Variants in FKBP3 observed in about 807,000 individuals in gnomAD.
FKBP3 encodes the protein peptidyl-prolyl cis-trans isomerase FKBP3.
In FKBP3, 21 loss-of-function variants were observed where a neutral mutation model predicts 30.6. The observed-to-expected ratio is 0.69, with a 90% CI of 0.49 to 0.99. FKBP3 has a LOEUF of 0.99. Ranked by LOEUF, FKBP3 falls within the 50% of genes least tolerant of loss-of-function variation. The probability of loss-of-function intolerance (pLI) is 0.00; values close to 1 mark genes in which losing one functional copy is unlikely to be tolerated. For synonymous variants in FKBP3, 82 were observed against 91.3 expected (o/e 0.90, Z 0.58); for missense variants, 283 against 261.6 (o/e 1.08, Z -0.56).
chr14:45,127,115 C>CTTT lies in FKBP3; in HGVS notation c.318+2676_318+2678dup, dbSNP rs1231283034. On this transcript the variant is annotated intron_variant, in intron 3 of 6. Coordinates refer to ENST00000396062, the MANE Select transcript of FKBP3 (RefSeq NM_002013.4). ...AGCCACTGTACCTGACTGACCCTGT[C>CTTT]TTTTTTTTTTTTTTTGAGACAGAGT... Among the ~76,000 whole-genome samples the CTTT allele has an allele frequency of 2.7e-4, 33 of 120,674 alleles. 2 individuals are homozygous for CTTT. The highest frequency in any genetic ancestry group is 8.9e-4 in the African/African-American group (24 of 26,984). 79.2% of individuals were successfully genotyped at this position (120,674 alleles called of 152,430 possible).
intron 3 of FKBP3, among the ~76,000 whole-genome samples, chr14:45,125,895 G>GA (rs1885085238): frequency 6.6e-6 from 1 of 150,906 alleles, no homozygotes; most frequent in South Asian, 2.1e-4. Context: ...TGTGGTCAAA[G>GA]AAAAAAAATT....
At position 45,134,361 on chromosome 14, in the gene FKBP3, G is replaced by A; in HGVS notation, c.96C>T (p.His32=). The A allele has an allele frequency of 6.2e-7, 1 of 1,613,490 alleles. No individual in the cohort carries two copies. Among genetic ancestry groups the A allele is most frequent in the Non-Finnish European group, 8.5e-7 (1 of 1,179,548 alleles). Residue 32 remains histidine (H), a synonymous_variant, in exon 1 of 7, where the codon CAC becomes CAT. Transcript: ENST00000396062. ...ACGCCTCTGGTACCGAATCTGAACC[G>A]TGTTCCTGCAGAAACTTGATAATGT... ...KKDIIKFLQE[H]GSDSFLAEHK...
rs760681690 is a variant in FKBP3 at position 45,134,412 on chromosome 14, C to T, written c.45G>A (p.Leu15=). ...CCTTCTTGGGCAGCTGCTCACTGCG[C>T]AGCTGCTCCACGGTCCACGCCCGCT... ...VPQRAWTVEQ[L]RSEQLPKKDI... Residue 15 remains leucine (L), a synonymous_variant, in exon 1 of 7, where the codon CTG becomes CTA. Coordinates refer to ENST00000396062, the MANE Select transcript of FKBP3 (RefSeq NM_002013.4). 1 of 1,613,760 alleles carries T rather than the reference C, an allele frequency of 6.2e-7. No homozygotes were observed. Among genetic ancestry groups the T allele is most frequent in the Non-Finnish European group, 8.5e-7 (1 of 1,179,924 alleles).
At chr14:45,131,736 C>A (rs566811552) in intron 1 of FKBP3, among the ~76,000 whole-genome samples, 1 of 151,414 alleles carries the variant, frequency 6.6e-6, no homozygotes, top group East Asian at 1.9e-4. Flanking sequence ...TTAATAACAG[C>A]GTCTACGTCA....
chr14:45,117,995 T>C (rs200545976), intron 6 of FKBP3, 33 bp downstream of exon 6: 10 of 1,474,554 alleles, frequency 6.8e-6, no homozygotes, highest in Non-Finnish European at 9.3e-6. Flanking sequence ...TTTTTTTTTT[T>C]CAACTTTAAT....
At position 45,124,166 on chromosome 14, in the gene FKBP3, G is replaced by C. The variant is rs140858173; in HGVS notation, c.319-2546C>G. 7.0e-4 allele frequency among the ~76,000 whole-genome samples: 107 copies of C among 152,246 alleles called. No individual in the cohort carries two copies. In the East Asian group the frequency reaches 0.019, roughly 27 times the overall value. Reference sequence around the variant, plus strand: ...TAATCTATCCCTCCCTGAAGTTCCAGAATTCTATCAGCCTTTGAACTCTTG... The same window carrying C: ...TAATCTATCCCTCCCTGAAGTTCCACAATTCTATCAGCCTTTGAACTCTTG... On this transcript the variant is annotated intron_variant, in intron 3 of 6. Coordinates refer to ENST00000396062, the MANE Select transcript of FKBP3 (RefSeq NM_002013.4).
chr14:45,116,843 G>A (rs958159379), intron 6 of FKBP3, among the ~76,000 whole-genome samples: 1 of 151,934 alleles, frequency 6.6e-6, no homozygotes, highest in Non-Finnish European at 1.5e-5. Context: ...GTGACAGAGC[G>A]AGACCCTGTC....
intron 1 of FKBP3, among the ~76,000 whole-genome samples, chr14:45,133,643 T>C (rs1473360012): frequency 1.3e-5 from 2 of 152,212 alleles, no homozygotes; most frequent in African/African-American, 4.8e-5. Context: ...AAAACAAGTG[T>C]AACAAAAATA....
intron 2 of FKBP3, 44 bp from the exon 3 acceptor site, chr14:45,129,945 A>G: frequency 8.0e-7 from 1 of 1,250,124 alleles, no homozygotes; most frequent in Non-Finnish European, 1.1e-6. Context: ...ACAGGCTAAA[A>G]CCAAGAAGCA....
chr14:45,126,731 C>T (rs1885106908), intron 3 of FKBP3, among the ~76,000 whole-genome samples: 1 of 152,120 alleles, frequency 6.6e-6, no homozygotes, highest in South Asian at 2.1e-4. Context: ...CCTGTAGTCC[C>T]AGTTATTCTG....
At chr14:45,128,309 C>T (rs1885143552) in intron 3 of FKBP3, among the ~76,000 whole-genome samples, 1 of 152,084 alleles carries the variant, frequency 6.6e-6, no homozygotes, top group Admixed American at 6.6e-5. Flanking sequence ...TGCACTCCAG[C>T]CTGGGTGAGA....
intron 1 of FKBP3, 92 bp from the exon 2 acceptor site, chr14:45,130,892 G>A: frequency 1.5e-6 from 1 of 660,014 alleles, no homozygotes; most frequent in Admixed American, 2.9e-5. Context: ...TAGCAGTTGT[G>A]TTTTCAGTAG....
In FKBP3 at chr14:45,134,425, G is replaced by C; in HGVS notation, c.32C>G (p.Thr11Ser). The C allele has an allele frequency of 6.2e-7, 1 of 1,612,570 alleles. No individual in the cohort carries two copies. The highest frequency in any genetic ancestry group is 8.5e-7 in the Non-Finnish European group (1 of 1,179,448). Residue 11 changes from threonine to serine, a missense_variant, in exon 1 of 7, where the codon ACC becomes AGC. Thr to Ser is a moderately conservative substitution (Grantham distance 58, BLOSUM62 1). Coordinates refer to ENST00000396062, the MANE Select transcript of FKBP3 (RefSeq NM_002013.4). MAAAVPQRAW[T>S]VEQLRSEQLP... ...CTGCTCACTGCGCAGCTGCTCCACGGTCCACGCCCGCTGTGGAACGGCCGC... is the reference window on the plus strand; with the variant it reads ...CTGCTCACTGCGCAGCTGCTCCACGCTCCACGCCCGCTGTGGAACGGCCGC...
chr14:45,125,698 A>G (rs1466307049), intron 3 of FKBP3, among the ~76,000 whole-genome samples: 1 of 152,174 alleles, frequency 6.6e-6, no homozygotes, highest in African/African-American at 2.4e-5. Flanking sequence ...TTAGGAATGT[A>G]TGCAGTTGTG....
intron 3 of FKBP3, among the ~76,000 whole-genome samples, chr14:45,126,212 G>A (rs904461354): frequency 2.0e-5 from 3 of 150,908 alleles, no homozygotes; most frequent in Admixed American, 6.6e-5. Flanking sequence ...TATACAGGCC[G>A]GGCACAGTGG....
chr14:45,125,695 T>G (rs1399871021), intron 3 of FKBP3, among the ~76,000 whole-genome samples: 1 of 152,122 alleles, frequency 6.6e-6, no homozygotes, highest in African/African-American at 2.4e-5. Context: ...TGCTTAGGAA[T>G]GTATGCAGTT....
chr14:45,117,551 T>TA lies in FKBP3; in HGVS notation c.620+476dup, dbSNP rs148301459. 3.3e-3 allele frequency among the ~76,000 whole-genome samples: 497 copies of TA among 152,298 alleles called. 5 individuals carry two copies. Among genetic ancestry groups the TA allele is most frequent in the African/African-American group, 0.011 (472 of 41,562 alleles). The stretch of plus-strand genomic sequence containing the variant: ...GTCATTAGTAGTAATAATAAATGCT[T>TA]ACACTAACACTGTTGATTCTGTGGT... On this transcript the variant is annotated intron_variant, in intron 6 of 6. Coordinates refer to ENST00000396062, the MANE Select transcript of FKBP3 (RefSeq NM_002013.4).
chr14:45,117,888 A>C (rs1421579676), intron 6 of FKBP3, 140 bp downstream of exon 6: 4 of 648,766 alleles, frequency 6.2e-6, no homozygotes, highest in Non-Finnish European at 1.1e-5. Flanking sequence ...CTGACACATA[A>C]GCATCTAAAG....
intron 5 of FKBP3, among the ~76,000 whole-genome samples, chr14:45,118,820 G>T (rs1350249515): frequency 6.6e-6 from 1 of 152,120 alleles, no homozygotes; most frequent in African/African-American, 2.4e-5. Flanking sequence ...TTACCAGATT[G>T]TAATAGTGGA....
Sources: gnomAD v4.1 joint callset for allele counts (sites outside exome capture counted in the v4.1 genomes callset) on GRCh38, gnomAD v4.1.1 for gene constraint, MANE v1.5 for transcripts, NCBI Gene and HGNC (gene_info 2026-07-23, HGNC 2026-07-21) for gene names.